The following TLE1 variants were observed in gnomAD, a reference collection of about 807,000 sequenced individuals.
TLE1 encodes the protein TLE family member 1, transcriptional corepressor.
A neutral mutation model predicts 89.8 loss-of-function variants in TLE1; 21 were observed. The ratio of observed to expected loss-of-function variants is 0.23; its 90% CI spans 0.17 to 0.34. TLE1 has a LOEUF of 0.34. Ranked by LOEUF, TLE1 falls within the 10% of genes least tolerant of loss-of-function variation. The pLI, the probability that TLE1 is intolerant of heterozygous loss-of-function variation, is 1.00. For missense variants in TLE1, 795 were observed against 1,031.2 expected (o/e 0.77, Z 3.14); for synonymous variants, 447 against 407.6 (o/e 1.10, Z -1.16).
At chr9:81,654,461 C>T (rs1251391469) in intron 4 of TLE1, among the ~76,000 whole-genome samples, 1 of 152,200 alleles carries the variant, frequency 6.6e-6, no homozygotes, top group African/African-American at 2.4e-5. Context: ...CTGCCTCAGC[C>T]TCCCAAGTAG....
At chr9:81,631,709 C>G (rs78784008) in intron 8 of TLE1, among the ~76,000 whole-genome samples, 8,009 of 152,270 alleles carry the variant, frequency 0.053, 270 homozygotes, top group South Asian at 0.12. Context: ...AGATTTAAAA[C>G]GCATAACAGC....
At chr9:81,604,782 C>T (rs1831414702) in intron 14 of TLE1, among the ~76,000 whole-genome samples, 2 of 152,134 alleles carry the variant, frequency 1.3e-5, no homozygotes, top group African/African-American at 4.8e-5. Flanking sequence ...CACATGGATC[C>T]CTCAAGCTCT....
chr9:81,623,559 G>A (rs1825543231), intron 8 of TLE1, among the ~76,000 whole-genome samples: 1 of 148,442 alleles, frequency 6.7e-6, no homozygotes, highest in Admixed American at 6.8e-5. Flanking sequence ...CAGGCAGATC[G>A]CCTGTGAAAA....
chr9:81,669,029 T>A (rs1158222987), intron 4 of TLE1, among the ~76,000 whole-genome samples: 1 of 152,202 alleles, frequency 6.6e-6, no homozygotes, highest in African/African-American at 2.4e-5. Context: ...AAACCAAATT[T>A]AACCCACGTA....
chr9:81,622,441 G>T (rs1263827683), intron 8 of TLE1, among the ~76,000 whole-genome samples: 1 of 151,422 alleles, frequency 6.6e-6, no homozygotes, highest in African/African-American at 2.4e-5. Flanking sequence ...TTAATGTCTT[G>T]TTTTTTTTTG....
intron 4 of TLE1, 97 bp downstream of exon 4, chr9:81,685,579 C>T: frequency 9.3e-7 from 1 of 1,080,058 alleles, no homozygotes; most frequent in Non-Finnish European, 1.3e-6. Context: ...AGCATACAAA[C>T]CCCCACCCCT....
intron 8 of TLE1, among the ~76,000 whole-genome samples, chr9:81,629,289 A>C (rs1000280930): frequency 1.4e-5 from 2 of 146,770 alleles, no homozygotes; most frequent in African/African-American, 2.5e-5. Context: ...AATTTAATGC[A>C]ATTTATCCTT....
intron 4 of TLE1, among the ~76,000 whole-genome samples, chr9:81,679,503 G>A (rs1441601730): frequency 2.6e-5 from 4 of 151,696 alleles, no homozygotes; most frequent in African/African-American, 7.2e-5. Flanking sequence ...ACACCTCACG[G>A]GGAAAAAAAA....
chr9:81,587,889 G>C, intron 16 of TLE1, 61 bp from the exon 17 acceptor site: 1 of 870,722 alleles, frequency 1.1e-6, no homozygotes, highest in South Asian at 1.5e-5. Context: ...AAACACTGTT[G>C]TGTTGTTAGT....
intron 4 of TLE1, among the ~76,000 whole-genome samples, chr9:81,655,955 A>C (rs146499396): frequency 6.6e-6 from 1 of 152,334 alleles, no homozygotes; most frequent in African/African-American, 2.4e-5. Flanking sequence ...GATCTGAATT[A>C]ACTAAGCAAA....
chr9:81,668,282 CAAG>C (rs1831756766), intron 4 of TLE1, among the ~76,000 whole-genome samples: 1 of 151,980 alleles, frequency 6.6e-6, no homozygotes, highest in African/African-American at 2.4e-5. Context: ...AGTTAACAGT[CAAG>C]AAGTTTTATT....
At position 81,591,007 on chromosome 9, in the gene TLE1, A is replaced by C; in HGVS notation, c.1627T>G (p.Cys543Gly). The change falls in exon 16 of 20, where the codon TGC (cysteine) becomes GGC (glycine). Residue 543 changes from cysteine to glycine, a missense_variant. Cys to Gly is a radical substitution (Grantham distance 159, BLOSUM62 -3). Coordinates refer to ENST00000376499, the MANE Select transcript of TLE1 (RefSeq NM_005077.5). Reference protein sequence around the residue: ...IRSCKLLPDGCTLIVGGEAST... With the variant: ...IRSCKLLPDGGTLIVGGEAST... ...GCTTCCCCTCCCACTATGAGAGTGC[A>C]GCCATCGGGTAGCAATTTACAGGAA... 6.2e-7 allele frequency: 1 copy of C among 1,614,264 alleles called. No individual in the cohort carries two copies. The highest frequency in any genetic ancestry group is 8.5e-7 in the Non-Finnish European group (1 of 1,180,042).
chr9:81,672,224 CA>C (rs1391088010), intron 4 of TLE1, among the ~76,000 whole-genome samples: 1 of 152,160 alleles, frequency 6.6e-6, no homozygotes, highest in Non-Finnish European at 1.5e-5. Context: ...CAAAGACACA[CA>C]AGAAGTTTCT....
chr9:81,628,022 C>T (rs939534574), intron 8 of TLE1, among the ~76,000 whole-genome samples: 2 of 152,088 alleles, frequency 1.3e-5, no homozygotes, highest in African/African-American at 4.8e-5. Flanking sequence ...AATTCGACAC[C>T]AGCCTAGGCA....
intron 8 of TLE1, 149 bp downstream of exon 8, chr9:81,633,199 T>A (rs914969560): frequency 5.2e-5 from 71 of 1,357,762 alleles, no homozygotes; most frequent in Non-Finnish European, 6.6e-5. Context: ...GGAAAAAAAG[T>A]AAAAGAAAAA....
intron 6 of TLE1, among the ~76,000 whole-genome samples, chr9:81,651,732 T>C (rs577217379): frequency 6.6e-6 from 1 of 152,252 alleles, no homozygotes; most frequent in Non-Finnish European, 1.5e-5. Context: ...GTGAGGAAAG[T>C]ATTTAAAATT....
chr9:81,649,214 T>C (rs1358534269), intron 6 of TLE1, among the ~76,000 whole-genome samples: 1 of 152,176 alleles, frequency 6.6e-6, no homozygotes, highest in Non-Finnish European at 1.5e-5. Context: ...TGAAGGCAGG[T>C]GCTATGGTGA....
chr9:81,609,635 CA>C (rs1823445047), intron 14 of TLE1, among the ~76,000 whole-genome samples: 1 of 152,090 alleles, frequency 6.6e-6, no homozygotes, highest in Admixed American at 6.5e-5. Context: ...CCTGCTTCCC[CA>C]CGAAGCCACT....
At chr9:81,682,893 T>C (rs1467529207) in intron 4 of TLE1, among the ~76,000 whole-genome samples, 1 of 152,234 alleles carries the variant, frequency 6.6e-6, no homozygotes, top group South Asian at 2.1e-4. Context: ...TCTATTACCA[T>C]TCCTGTTTCA....
Sources: allele counts gnomAD v4.1 joint callset (sites outside exome capture counted in the v4.1 genomes callset), GRCh38; gene constraint gnomAD v4.1.1; transcripts MANE v1.5; gene names NCBI Gene and HGNC (gene_info 2026-07-23, HGNC 2026-07-21).